KIAA0319L: variants seen among roughly 807,000 people sequenced by gnomAD.
KIAA0319L encodes KIAA0319 like.
Under a neutral mutation model 120.1 loss-of-function variants are expected in KIAA0319L, and 55 were observed. The observed-to-expected ratio is 0.46, with a 90% CI of 0.37 to 0.57. The LOEUF is 0.57. Among genes scored for constraint, KIAA0319L ranks in the 20% least tolerant of loss-of-function variants. The pLI, the probability that KIAA0319L is intolerant of heterozygous loss-of-function variation, is 0.00. For synonymous variants in KIAA0319L, 398 were observed against 471.9 expected, an observed-to-expected ratio of 0.84 and a Z score of 2.03; for missense variants, 1,049 against 1,255.3, an observed-to-expected ratio of 0.84 and a Z score of 2.48.
At chr1:35,495,980 A>T (rs895442439) in intron 3 of KIAA0319L, among the ~76,000 whole-genome samples, 1 of 152,216 alleles carries the variant, frequency 6.6e-6, no homozygotes, top group African/African-American at 2.4e-5. Context: ...CACCTATTAC[A>T]ATGTATAAAA....
intron 3 of KIAA0319L, among the ~76,000 whole-genome samples, chr1:35,491,132 C>A (rs893357463): frequency 6.6e-6 from 1 of 151,960 alleles, no homozygotes; most frequent in South Asian, 2.1e-4. Context: ...TTAAACAATG[C>A]AGAAGAAAAG....
chr1:35,496,202 T>G (rs1195821292), intron 3 of KIAA0319L, among the ~76,000 whole-genome samples: 1 of 152,110 alleles, frequency 6.6e-6, no homozygotes, highest in Non-Finnish European at 1.5e-5. Context: ...GGTATATCAC[T>G]TGAGGTCAGG....
At chr1:35,531,666 C>G (rs1325158376) in intron 2 of KIAA0319L, among the ~76,000 whole-genome samples, 1 of 152,162 alleles carries the variant, frequency 6.6e-6, no homozygotes, top group Admixed American at 6.5e-5. Flanking sequence ...TTGGGGATTG[C>G]TCACTTATTC....
chr1:35,458,980 TA>T (rs141481132), intron 9 of KIAA0319L, among the ~76,000 whole-genome samples: 2,575 of 152,306 alleles, frequency 0.017, 68 homozygotes, highest in African/African-American at 0.059. Context: ...TATTGATTTA[TA>T]TGGTAGGTAT....
At chr1:35,533,910 C>T (rs944747684) in intron 2 of KIAA0319L, among the ~76,000 whole-genome samples, 10 of 152,294 alleles carry the variant, frequency 6.6e-5, no homozygotes, top group Admixed American at 5.9e-4. Flanking sequence ...AAAAATGGTT[C>T]CACCTTACTC....
intron 6 of KIAA0319L, among the ~76,000 whole-genome samples, chr1:35,469,719 C>T (rs1558378602): frequency 6.6e-6 from 1 of 151,886 alleles, no homozygotes; most frequent in Non-Finnish European, 1.5e-5. Context: ...TAATTACCTG[C>T]TTCCTATCAG....
chr1:35,530,456 T>C (rs761357412), intron 2 of KIAA0319L, among the ~76,000 whole-genome samples: 3 of 152,218 alleles, frequency 2.0e-5, no homozygotes, highest in Non-Finnish European at 4.4e-5. Context: ...TGCTATCTCT[T>C]TGGTGAATTT....
At position 35,507,055 on chromosome 1, in the gene KIAA0319L, G is replaced by T; in HGVS notation, c.223C>A (p.Leu75Ile). Residue 75 changes from leucine (L) to isoleucine (I), a missense_variant, in exon 3 of 21, where the codon CTT (leucine) becomes ATT (isoleucine). Coordinates refer to ENST00000325722, the MANE Select transcript of KIAA0319L (RefSeq NM_024874.5). ...LRSGGENHLW[L>I]LEGTPSLQSC... ...TGGAGAGAGGGGGTTCCTTCAAGAA[G>T]CCAGAGGTGATTTTCTCCCCCAGAT... 2 of 1,589,110 alleles carry T rather than the reference G, an allele frequency of 1.3e-6. No homozygotes were observed. Among genetic ancestry groups the T allele is most frequent in the Non-Finnish European group, 1.7e-6 (2 of 1,168,338 alleles).
chr1:35,500,481 T>C (rs376400266), intron 3 of KIAA0319L, among the ~76,000 whole-genome samples: 1 of 152,200 alleles, frequency 6.6e-6, no homozygotes, highest in East Asian at 1.9e-4. Flanking sequence ...ACTTTTGGAA[T>C]TGCAAAAGGT....
chr1:35,538,091 ACATCTCGGAATTGATCATG>A (rs1646650342), intron 2 of KIAA0319L, among the ~76,000 whole-genome samples: 1 of 152,142 alleles, frequency 6.6e-6, no homozygotes, highest in African/African-American at 2.4e-5. Context: ...TTCCCATAGC[ACATCTCGGAATTGATCATG>A]CTTCTTTATG....
At chr1:35,440,327 GAA>G (rs1558258270) in intron 20 of KIAA0319L, 1 of 152,228 alleles carries the variant, frequency 6.6e-6, no homozygotes, top group African/African-American at 2.4e-5. Flanking sequence ...CTTTAAGCAT[GAA>G]AAGTGTTTAA....
rs374766649 is a variant in KIAA0319L at position 35,551,610 on chromosome 1, C to T, written c.142+2740G>A. On this transcript the variant is annotated intron_variant, in intron 2 of 20. Coordinates refer to ENST00000325722, the MANE Select transcript of KIAA0319L (RefSeq NM_024874.5). ...CTGGGATTACAGGCATGAGCCACCG[C>T]GCCCAGCCCTATTTATTTTTTCTAT... 1.6e-3 allele frequency among the ~76,000 whole-genome samples: 239 copies of T among 152,140 alleles called. 3 individuals carry two copies. Among genetic ancestry groups the T allele is most frequent in the African/African-American group, 4.9e-3 (205 of 41,516 alleles).
chr1:35,528,112 A>T (rs1570962552), intron 2 of KIAA0319L, among the ~76,000 whole-genome samples: 1 of 152,102 alleles, frequency 6.6e-6, no homozygotes, highest in East Asian at 1.9e-4. Context: ...TTTTGGAGAC[A>T]GGGTCTAACT....
At chr1:35,454,988 A>G (rs1288012515) in intron 10 of KIAA0319L, among the ~76,000 whole-genome samples, 2 of 152,208 alleles carry the variant, frequency 1.3e-5, no homozygotes, top group Non-Finnish European at 2.9e-5. Context: ...ACAACCTAAC[A>G]TAACATTTAA....
chr1:35,450,295 T>C (rs1341605340), intron 14 of KIAA0319L, 63 bp downstream of exon 14: 2 of 1,513,158 alleles, frequency 1.3e-6, no homozygotes, highest in Non-Finnish European at 1.8e-6. Flanking sequence ...AAGCATATAC[T>C]GGAACGCGTG....
intron 19 of KIAA0319L, among the ~76,000 whole-genome samples, chr1:35,441,905 A>G (rs1188630): frequency 0.11 from 16,085 of 152,092 alleles, 2,016 homozygotes; most frequent in African/African-American, 0.29. Flanking sequence ...GTGAGGCTAC[A>G]GTGTGGTGCA....
At chr1:35,486,902 C>T (rs1364436030) in intron 3 of KIAA0319L, among the ~76,000 whole-genome samples, 2 of 152,004 alleles carry the variant, frequency 1.3e-5, no homozygotes, top group Non-Finnish European at 2.9e-5. Context: ...CAGAATGAGA[C>T]CCAAAAAAAC....
chr1:35,500,896 G>C (rs944865839), intron 3 of KIAA0319L, among the ~76,000 whole-genome samples: 2 of 151,890 alleles, frequency 1.3e-5, no homozygotes, highest in Admixed American at 1.3e-4. Context: ...TGATATATAA[G>C]GTCAAATATA....
chr1:35,508,884 TTTAA>T (rs1645310841), intron 2 of KIAA0319L, among the ~76,000 whole-genome samples: 2 of 152,194 alleles, frequency 1.3e-5, no homozygotes, highest in Admixed American at 1.3e-4. Flanking sequence ...TGATATATTA[TTTAA>T]TTTTTAAAAA....
Sources: gnomAD v4.1 joint callset for allele counts (sites outside exome capture counted in the v4.1 genomes callset) on GRCh38, gnomAD v4.1.1 for gene constraint, MANE v1.5 for transcripts, NCBI Gene and HGNC (gene_info 2026-07-23, HGNC 2026-07-21) for gene names.